The following TLE1 variants were observed in gnomAD, a reference collection of about 807,000 sequenced individuals.
The protein encoded by TLE1 is transducin-like enhancer protein 1.
A neutral mutation model predicts 89.8 loss-of-function variants in TLE1; 21 were observed. The ratio of observed to expected loss-of-function variants is 0.23; its 90% confidence interval spans 0.17 to 0.34. The LOEUF is 0.34. Among genes scored for constraint, TLE1 ranks in the 10% least tolerant of loss-of-function variants. The pLI is 1.00. For missense variants in TLE1, 795 were observed against 1,031.2 expected (o/e 0.77, Z 3.14); for synonymous variants, 447 against 407.6 (o/e 1.10, Z -1.16).
chr9:81,646,588 T>TA (rs1828891931), intron 6 of TLE1, among the ~76,000 whole-genome samples: 4 of 152,196 alleles, frequency 2.6e-5, no homozygotes, highest in Admixed American at 2.6e-4. Context: ...CTCATCCTCT[T>TA]AAACTTCACA....
At chr9:81,687,941 G>A (rs183900203) in intron 1 of TLE1, among the ~76,000 whole-genome samples, 3 of 152,134 alleles carry the variant, frequency 2.0e-5, no homozygotes, top group Non-Finnish European at 2.9e-5. Flanking sequence ...GGAAGGTAGA[G>A]GGGATATGGC....
chr9:81,641,100 C>T (rs1048080879), intron 6 of TLE1, among the ~76,000 whole-genome samples: 2 of 152,062 alleles, frequency 1.3e-5, no homozygotes, highest in East Asian at 1.9e-4. Context: ...GGGACAAAAA[C>T]GTGAAAAAGA....
intron 6 of TLE1, among the ~76,000 whole-genome samples, chr9:81,643,176 A>G (rs1430229436): frequency 6.6e-6 from 1 of 152,108 alleles, no homozygotes; most frequent in African/African-American, 2.4e-5. Context: ...ATAGTTAATA[A>G]TAACGGTATT....
At chr9:81,654,292 G>A (rs558661156) in intron 4 of TLE1, among the ~76,000 whole-genome samples, 7 of 152,172 alleles carry the variant, frequency 4.6e-5, no homozygotes, top group Non-Finnish European at 7.4e-5. Context: ...AAATCTAGGC[G>A]GTTTAAGGCT....
intron 14 of TLE1, among the ~76,000 whole-genome samples, chr9:81,594,371 T>C (rs1025155688): frequency 6.6e-6 from 1 of 152,162 alleles, no homozygotes; most frequent in Non-Finnish European, 1.5e-5. Context: ...GATGAGTTCA[T>C]GTCCCTTGCA....
intron 4 of TLE1, among the ~76,000 whole-genome samples, chr9:81,661,396 G>C (rs1394707316): frequency 6.6e-6 from 1 of 151,912 alleles, no homozygotes; most frequent in African/African-American, 2.4e-5. Context: ...AATGAGTGCT[G>C]TTTGAAGCTC....
intron 4 of TLE1, among the ~76,000 whole-genome samples, chr9:81,657,509 A>C (rs971120760): frequency 2.0e-5 from 3 of 152,184 alleles, no homozygotes; most frequent in African/African-American, 7.2e-5. Context: ...TACTACCTAG[A>C]ATGGCATCAA....
intron 7 of TLE1, chr9:81,633,671 G>C: frequency 2.0e-6 from 1 of 491,456 alleles, no homozygotes; most frequent in Non-Finnish European, 3.6e-6. Context: ...ATGCATACTA[G>C]AATTAAAGCC....
chr9:81,589,063 G>A (rs955424950), intron 16 of TLE1, among the ~76,000 whole-genome samples: 2 of 152,098 alleles, frequency 1.3e-5, no homozygotes, highest in Non-Finnish European at 2.9e-5. Flanking sequence ...TCTCTCCTGC[G>A]GCCGTGCAGC....
intron 6 of TLE1, among the ~76,000 whole-genome samples, chr9:81,643,866 C>T (rs916411097): frequency 6.6e-6 from 1 of 152,054 alleles, no homozygotes; most frequent in Non-Finnish European, 1.5e-5. Flanking sequence ...TTCAGCTAAT[C>T]CACATAGGCC....
Position 81,593,139 on chromosome 9 carries a change from A to G in TLE1, c.1467T>C (p.Ala489=). ...NTLNHGEVVC[A]VTISNPTRHV... ...GTCTCGTGGGGTTGCTGATGGTCAC[A>G]GCGCACACCACCTCCCCGTGGTTGA... The change falls in exon 15 of 20, where the codon GCT becomes GCC. Residue 489 remains alanine, a synonymous_variant. Coordinates refer to ENST00000376499, the MANE Select transcript of TLE1 (RefSeq NM_005077.5). 6.2e-7 allele frequency: 1 copy of G among 1,614,124 alleles called. No individual in the cohort carries two copies. Among genetic ancestry groups the G allele is most frequent in the Non-Finnish European group, 8.5e-7 (1 of 1,180,030 alleles).
intron 14 of TLE1, among the ~76,000 whole-genome samples, chr9:81,601,041 A>G (rs779751393): frequency 6.6e-6 from 1 of 152,188 alleles, no homozygotes; most frequent in Non-Finnish European, 1.5e-5. Flanking sequence ...CAATCCCTCC[A>G]AATAACTCCT....
intron 4 of TLE1, among the ~76,000 whole-genome samples, chr9:81,684,541 C>T (rs1834019017): frequency 6.6e-6 from 1 of 152,182 alleles, no homozygotes; most frequent in African/African-American, 2.4e-5. Context: ...CTGAAACACA[C>T]TTGCTTAATG....
chr9:81,620,561 C>T lies in TLE1; in HGVS notation c.595-4G>A, dbSNP rs774089151. 6.2e-7 allele frequency: 1 copy of T among 1,601,310 alleles called. No homozygotes were observed. The highest frequency in any genetic ancestry group is 8.5e-7 in the Non-Finnish European group (1 of 1,176,504). On this transcript the variant is annotated splice_region_variant and splice_polypyrimidine_tract_variant and intron_variant, in intron 8 of 19. Coordinates refer to ENST00000376499, the MANE Select transcript of TLE1 (RefSeq NM_005077.5). ...CTGGGACCAGGAGGGAATTACTCTG[C>T]AAGACAAAAAAATTAATCAAAGATT...
intron 11 of TLE1, among the ~76,000 whole-genome samples, chr9:81,613,968 C>A (rs1236413096): frequency 2.2e-5 from 3 of 139,056 alleles, no homozygotes; most frequent in Non-Finnish European, 3.0e-5. Flanking sequence ...AGTGCAGTGG[C>A]GCAATCTCGG....
rs934352991 is a variant in TLE1 at position 81,689,228 on chromosome 9, AGG to A, written c.-990_-989del. Reference sequence around the variant, plus strand: ...CACTGCAAAGTTCTCTCACCACCCGAGGGACGACATCCACGAGATGGTGGGGA... The same window carrying A: ...CACTGCAAAGTTCTCTCACCACCCGAGACGACATCCACGAGATGGTGGGGA... On this transcript the variant is annotated 5_prime_UTR_variant, in exon 1 of 20. An upstream open reading frame in the 5' UTR loses its in-frame stop. Coordinates refer to ENST00000376499, the MANE Select transcript of TLE1 (RefSeq NM_005077.5). 7 of 152,228 alleles carry A rather than the reference AGG, an allele frequency of 4.6e-5. No individual in the cohort carries two copies. Among genetic ancestry groups the A allele is most frequent in the Non-Finnish European group, 7.3e-5 (5 of 68,074 alleles). 9.4% of individuals were successfully genotyped at this position (152,228 alleles called of 1,614,324 possible). A position where few individuals can be genotyped will look rare whatever the true frequency, so the allele number is the denominator to read the frequency against.
chr9:81,666,662 C>T (rs1831498558), intron 4 of TLE1, among the ~76,000 whole-genome samples: 1 of 151,894 alleles, frequency 6.6e-6, no homozygotes, highest in African/African-American at 2.4e-5. Context: ...GTAATCCCAG[C>T]TACTCAGGGG....
rs1564028673 is a variant in TLE1 at position 81,652,292 on chromosome 9, T to C, written c.298-4A>G. The C allele has an allele frequency of 1.5e-5, 24 of 1,612,910 alleles. No homozygotes were observed. Among genetic ancestry groups the C allele is most frequent in the Non-Finnish European group, 1.8e-5 (21 of 1,179,302 alleles). ...CCTGGGCCACCTGTTGTTGATGCTTTGAAAACAAGGAGAAGAAAGGGCATT... is the reference window on the plus strand; with the variant it reads ...CCTGGGCCACCTGTTGTTGATGCTTCGAAAACAAGGAGAAGAAAGGGCATT... On this transcript the variant is annotated splice_polypyrimidine_tract_variant and splice_region_variant and intron_variant, in intron 5 of 19. Transcript: ENST00000376499.
At chr9:81,587,430 T>C (rs1175452707) in intron 17 of TLE1, among the ~76,000 whole-genome samples, 1 of 152,200 alleles carries the variant, frequency 6.6e-6, no homozygotes, top group African/African-American at 2.4e-5. Context: ...AACAAACTCA[T>C]ATGTAAATAT....
Sources: gnomAD v4.1 joint callset for allele counts (sites outside exome capture counted in the v4.1 genomes callset) on GRCh38, gnomAD v4.1.1 for gene constraint, MANE v1.5 for transcripts, NCBI Gene and HGNC (gene_info 2026-07-23, HGNC 2026-07-21) for gene names.